Variants in FUT8 observed in about 807,000 individuals in gnomAD.
FUT8 encodes fucosyltransferase 8.
A neutral mutation model predicts 71.3 loss-of-function variants in FUT8; 29 were observed. The ratio of observed to expected loss-of-function variants is 0.41; its 90% CI spans 0.30 to 0.55. The LOEUF (loss-of-function observed/expected upper bound fraction) is 0.55, where lower values mean the gene tolerates loss of function less well. Ranked by LOEUF, FUT8 falls within the 20% of genes least tolerant of loss-of-function variation. The pLI is 0.34. For synonymous variants in FUT8, 254 were observed against 239.3 expected, an observed-to-expected ratio of 1.06 and a Z score of -0.57; for missense variants, 544 against 702.1, an observed-to-expected ratio of 0.77 and a Z score of 2.55.
intron 9 of FUT8, among the ~76,000 whole-genome samples, chr14:65,728,863 A>G (rs1485080291): frequency 6.6e-6 from 1 of 152,102 alleles, no homozygotes. Flanking sequence ...AATACACCCT[A>G]TGATGTTTGC....
intron 3 of FUT8, among the ~76,000 whole-genome samples, chr14:65,566,882 A>C (rs899109813): frequency 6.6e-6 from 1 of 151,936 alleles, no homozygotes; most frequent in Admixed American, 6.6e-5. Context: ...TGAAATAGCT[A>C]TTTGCTCACA....
At chr14:65,723,340 A>G (rs1395741488) in intron 8 of FUT8, among the ~76,000 whole-genome samples, 3 of 151,756 alleles carry the variant, frequency 2.0e-5, no homozygotes, top group South Asian at 4.2e-4. Context: ...AAAAAAAATT[A>G]CTTTGGAAAC....
intron 6 of FUT8, among the ~76,000 whole-genome samples, chr14:65,650,019 G>T (rs1391232614): frequency 6.6e-6 from 1 of 152,140 alleles, no homozygotes; most frequent in African/African-American, 2.4e-5. Context: ...ATACCTGGCT[G>T]GGTGCGGTGG....
intron 7 of FUT8, among the ~76,000 whole-genome samples, chr14:65,698,852 A>C (rs1002292350): frequency 2.6e-5 from 4 of 152,166 alleles, no homozygotes; most frequent in Admixed American, 2.6e-4. Flanking sequence ...AAGGCAACAA[A>C]ATGAATAGGT....
intron 1 of FUT8, among the ~76,000 whole-genome samples, chr14:65,418,291 C>T (rs972959824): frequency 6.6e-6 from 1 of 152,102 alleles, no homozygotes; most frequent in Admixed American, 6.5e-5. Flanking sequence ...CTTATTTGAT[C>T]AAGACTTTCA....
intron 6 of FUT8, among the ~76,000 whole-genome samples, chr14:65,629,831 C>CAG (rs1890088480): frequency 9.8e-6 from 1 of 102,438 alleles, no homozygotes; most frequent in Non-Finnish European, 2.0e-5. Context: ...TACACACGTA[C>CAG]ACACACACAC....
chr14:65,517,094 C>T (rs2139845057), intron 2 of FUT8, among the ~76,000 whole-genome samples: 1 of 152,068 alleles, frequency 6.6e-6, no homozygotes, highest in East Asian at 1.9e-4. Context: ...GTGTATACCA[C>T]ATTTTGCTTA....
chr14:65,602,609 G>C (rs1341892804), intron 3 of FUT8, among the ~76,000 whole-genome samples: 1 of 151,576 alleles, frequency 6.6e-6, no homozygotes, highest in Non-Finnish European at 1.5e-5. Flanking sequence ...GTTTTCCATA[G>C]TGGCTGTACT....
chr14:65,664,990 C>T (rs1336429281), intron 6 of FUT8, among the ~76,000 whole-genome samples: 1 of 151,892 alleles, frequency 6.6e-6, no homozygotes, highest in African/African-American at 2.4e-5. Context: ...AAGAAATTAT[C>T]ATGTTAGCTA....
At chr14:65,493,680 T>C (rs956794723) in intron 2 of FUT8, among the ~76,000 whole-genome samples, 4 of 152,126 alleles carry the variant, frequency 2.6e-5, no homozygotes, top group African/African-American at 9.7e-5. Context: ...CTACAATAAT[T>C]TGCCCAGCAA....
chr14:65,724,537 AC>A (rs1397281648), intron 9 of FUT8, among the ~76,000 whole-genome samples: 1 of 152,234 alleles, frequency 6.6e-6, no homozygotes, highest in Non-Finnish European at 1.5e-5. Flanking sequence ...TCTAAAATGA[AC>A]TGGACCACTG....
In FUT8 at chr14:65,638,452, AAG is replaced by A. The variant is rs1055037348; in HGVS notation, c.597+8851_597+8852del. ...TTATTTTTCTTTTTTTTTTGAGAGA[AAG>A]AGAGGAAAAAAGGTGTGAAAATGGA... On this transcript the variant is annotated intron_variant, in intron 6 of 10. Transcript: ENST00000673929. This position sits in a 1 kb window ranked among gnomAD's most constrained non-coding sequence, Gnocchi z 4.5. Among the ~76,000 whole-genome samples the A allele has an allele frequency of 2.0e-5, 3 of 152,084 alleles. No individual in the cohort carries two copies. Among genetic ancestry groups the A allele is most frequent in the Non-Finnish European group, 4.4e-5 (3 of 68,018 alleles).
At chr14:65,703,061 A>G (rs1044559032) in intron 7 of FUT8, among the ~76,000 whole-genome samples, 1 of 152,172 alleles carries the variant, frequency 6.6e-6, no homozygotes, top group African/African-American at 2.4e-5. Context: ...AGAAAATTTT[A>G]AGTAACCTTC....
At chr14:65,412,070 T>C (rs1019054559), upstream of FUT8, 1 of 456,694 alleles carries the variant, frequency 2.2e-6, no homozygotes, top group Non-Finnish European at 4.4e-6. Flanking sequence ...AACTTCCGCC[T>C]CAGAGGGGCT....
chr14:65,418,160 A>G (rs972542981), intron 1 of FUT8, among the ~76,000 whole-genome samples: 2 of 152,186 alleles, frequency 1.3e-5, no homozygotes, highest in African/African-American at 4.8e-5. Context: ...TATAAACTTG[A>G]AAGTGCATAA....
the FUT8 span, among the ~76,000 whole-genome samples, chr14:65,362,815 A>G: frequency 6.6e-6 from 1 of 151,980 alleles, no homozygotes; most frequent in South Asian, 2.1e-4. Context: ...ACAAAAAATT[A>G]GCCGGGCGTG....
the FUT8 span, among the ~76,000 whole-genome samples, chr14:65,363,430 C>G: frequency 6.6e-6 from 1 of 151,946 alleles, no homozygotes; most frequent in Non-Finnish European, 1.5e-5. Context: ...CTAATTTTTG[C>G]ATTTTTAGTA....
At chr14:65,619,132 T>C (rs1301349265) in intron 5 of FUT8, among the ~76,000 whole-genome samples, 1 of 152,130 alleles carries the variant, frequency 6.6e-6, no homozygotes, top group East Asian at 1.9e-4. Flanking sequence ...AATGCACATA[T>C]TTGGTGTCAG....
chr14:65,686,963 T>C (rs904968895), intron 7 of FUT8, among the ~76,000 whole-genome samples: 1 of 152,180 alleles, frequency 6.6e-6, no homozygotes, highest in Non-Finnish European at 1.5e-5. Context: ...AAACTACTTC[T>C]TCATATGGCC....
Sources: allele counts gnomAD v4.1 joint callset (sites outside exome capture counted in the v4.1 genomes callset), GRCh38; gene constraint gnomAD v4.1.1; non-coding constraint Gnocchi (gnomAD v3.1); transcripts MANE v1.5; gene names NCBI Gene and HGNC (gene_info 2026-07-23, HGNC 2026-07-21).